RARB: variants seen among roughly 807,000 people sequenced by gnomAD.
RARB encodes the protein HBV-activated protein.
RARB carries 17 observed loss-of-function variants against 51.9 expected under a neutral mutation model. The observed-to-expected ratio is 0.33, with a 90% CI of 0.22 to 0.49. RARB has a LOEUF of 0.49. Ranked by LOEUF, RARB falls within the 20% of genes least tolerant of loss-of-function variation. The pLI is 0.99. For synonymous variants in RARB, 215 were observed against 195.4 expected, an observed-to-expected ratio of 1.10 and a Z score of -0.84; for missense variants, 369 against 550.8, an observed-to-expected ratio of 0.67 and a Z score of 3.30.
chr3:25,510,637 C>A (rs905938930), intron 3 of RARB, among the ~76,000 whole-genome samples: 5 of 151,790 alleles, frequency 3.3e-5, no homozygotes, highest in African/African-American at 1.2e-4. Flanking sequence ...AAAAAAAAAT[C>A]TATAATTATG....
intron 2 of RARB, among the ~76,000 whole-genome samples, chr3:24,915,117 C>T (rs948859221): frequency 2.6e-5 from 4 of 152,152 alleles, no homozygotes; most frequent in African/African-American, 9.6e-5. Flanking sequence ...TTCTGAAGAA[C>T]TAGTCCTGTT....
chr3:24,892,204 C>T (rs1427849038), intron 2 of RARB, among the ~76,000 whole-genome samples: 1 of 140,404 alleles, frequency 7.1e-6, no homozygotes, highest in African/African-American at 2.6e-5. Flanking sequence ...TTCTAATTCA[C>T]TTGAATGCCC....
chr3:25,453,243 CTTTTTTTTT>C (rs758275411), intron 1 of RARB, among the ~76,000 whole-genome samples: 1 of 81,984 alleles, frequency 1.2e-5, no homozygotes, highest in Non-Finnish European at 2.2e-5. Context: ...CAAGATTCTG[CTTTTTTTTT>C]TTTTTTTTTT....
chr3:25,230,825 G>A (rs1162429927), intron 5 of RARB, among the ~76,000 whole-genome samples: 3 of 152,002 alleles, frequency 2.0e-5, no homozygotes, highest in African/African-American at 4.8e-5. Context: ...TATTGAGCAC[G>A]TGCTCAATAA....
intron 5 of RARB, among the ~76,000 whole-genome samples, chr3:25,199,792 T>G (rs575497719): frequency 6.6e-6 from 1 of 152,320 alleles, no homozygotes; most frequent in African/African-American, 2.4e-5. Flanking sequence ...TTTTTATGGC[T>G]GCATAGTATT....
rs1250666506 is a variant in RARB, at chr3:25,171,509, AAAG to A, written c.-279-2609_-279-2607del. Among the ~76,000 whole-genome samples, 6 of 146,138 alleles carry A rather than the reference AAAG, an allele frequency of 4.1e-5. No homozygotes were observed. In the Admixed American group the frequency reaches 4.1e-4, roughly 10 times the overall value. On this transcript the variant is annotated intron_variant, in intron 4 of 11. Transcript: ENST00000383772. ...TTAAAAAAAAAAAAAAAAAAAAAAA[AAAG>A]CCCAGACATGATACCAGACCTCTCA...
At chr3:25,120,877 C>G (rs1417007156) in intron 3 of RARB, among the ~76,000 whole-genome samples, 2 of 152,108 alleles carry the variant, frequency 1.3e-5, no homozygotes, top group Non-Finnish European at 2.9e-5. Context: ...CCGTCATTGA[C>G]ATATTGTCTA....
At chr3:25,346,454 G>A (rs1386355129) in intron 5 of RARB, among the ~76,000 whole-genome samples, 3 of 152,134 alleles carry the variant, frequency 2.0e-5, no homozygotes, top group Non-Finnish European at 4.4e-5. Context: ...ATTAAAAATT[G>A]ATGGCTAAAC....
At chr3:25,038,548 A>G (rs566682418) in intron 2 of RARB, among the ~76,000 whole-genome samples, 25 of 152,232 alleles carry the variant, frequency 1.6e-4, no homozygotes, top group Admixed American at 7.9e-4. Flanking sequence ...TTGCTGAAGG[A>G]AGGTGATGAA....
chr3:25,047,196 T>C (rs1698234926), intron 2 of RARB, among the ~76,000 whole-genome samples: 2 of 152,176 alleles, frequency 1.3e-5, no homozygotes, highest in African/African-American at 4.8e-5. Context: ...ATTGGGTAAT[T>C]AGGTAATTCC....
chr3:25,119,673 C>CAA (rs143120580), intron 3 of RARB, among the ~76,000 whole-genome samples: 2 of 147,188 alleles, frequency 1.4e-5, no homozygotes, highest in Non-Finnish European at 1.5e-5. Context: ...AAAAAAACAA[C>CAA]AACAAAAAAA....
At chr3:25,280,826 T>C (rs1703504697) in intron 5 of RARB, among the ~76,000 whole-genome samples, 1 of 152,148 alleles carries the variant, frequency 6.6e-6, no homozygotes, top group African/African-American at 2.4e-5. Context: ...ACCAAGGACA[T>C]GTGCAAAGCC....
chr3:25,505,642 T>C (rs1414784243), intron 3 of RARB, among the ~76,000 whole-genome samples: 2 of 151,910 alleles, frequency 1.3e-5, no homozygotes, highest in African/African-American at 2.4e-5. Flanking sequence ...GAAACAGCTG[T>C]CTGTCAAAGC....
intron 5 of RARB, chr3:25,259,903 G>C (rs1457052786): frequency 1.0e-6 from 1 of 985,154 alleles, no homozygotes; most frequent in Non-Finnish European, 1.2e-6. Context: ...GATTAGGGAA[G>C]GTTTTCTTTC....
intron 5 of RARB, among the ~76,000 whole-genome samples, chr3:25,389,444 C>A (rs978292543): frequency 6.6e-6 from 1 of 152,146 alleles, no homozygotes; most frequent in African/African-American, 2.4e-5. Flanking sequence ...AACTAAATGT[C>A]TCTCAAGTCT....
intron 5 of RARB, among the ~76,000 whole-genome samples, chr3:25,177,280 A>T (rs1480169187): frequency 6.6e-6 from 1 of 152,218 alleles, no homozygotes; most frequent in Non-Finnish European, 1.5e-5. Context: ...TTAAAAATTA[A>T]CCACAGACTT....
chr3:24,971,248 C>A (rs1187149181), intron 2 of RARB, among the ~76,000 whole-genome samples: 3 of 151,796 alleles, frequency 2.0e-5, no homozygotes, highest in African/African-American at 7.3e-5. Flanking sequence ...CATTATTATT[C>A]TTATTCAAAA....
intron 2 of RARB, among the ~76,000 whole-genome samples, chr3:25,040,044 G>C (rs551190917): frequency 7.9e-5 from 12 of 152,302 alleles, no homozygotes; most frequent in African/African-American, 2.4e-4. Context: ...TATCCTGAAG[G>C]TGAGCTCTGC....
intron 5 of RARB, among the ~76,000 whole-genome samples, chr3:25,375,846 T>G (rs1706444401): frequency 6.6e-6 from 1 of 152,190 alleles, no homozygotes; most frequent in South Asian, 2.1e-4. Context: ...AGGGAATGAT[T>G]AGAAGCTTGG....
Sources: allele counts gnomAD v4.1 joint callset (sites outside exome capture counted in the v4.1 genomes callset), GRCh38; gene constraint gnomAD v4.1.1; transcripts MANE v1.5; gene names NCBI Gene and HGNC (gene_info 2026-07-23, HGNC 2026-07-21).